The following RGPD1 variants were observed in gnomAD, a reference collection of about 807,000 sequenced individuals.
RGPD1 encodes the protein RANBP2 like and GRIP domain containing 1.
A neutral mutation model predicts 40.6 loss-of-function variants in RGPD1; 7 were observed. The ratio of observed to expected loss-of-function variants is 0.17; its 90% confidence interval spans 0.10 to 0.32. RGPD1 has a LOEUF of 0.32. Ranked by LOEUF, RGPD1 falls within the 10% of genes least tolerant of loss-of-function variation. The pLI is 1.00. For missense variants in RGPD1, 50 were observed against 472.5 expected (o/e 0.11, Z 8.29); for synonymous variants, 24 against 167.0 (o/e 0.14, Z 6.60).
chr2:86,951,873 GTTTTTT>G (rs71269535), intron 2 of RGPD1, among the ~76,000 whole-genome samples: 3 of 50,980 alleles, frequency 5.9e-5, no homozygotes, highest in African/African-American at 2.5e-4. Flanking sequence ...GGGAGGCAGG[GTTTTTT>G]TTTTTTTTTT....
At chr2:86,925,108 A>G (rs1286114039) in intron 1 of RGPD1, among the ~76,000 whole-genome samples, 3 of 152,232 alleles carry the variant, frequency 2.0e-5, no homozygotes, top group Non-Finnish European at 4.4e-5. Flanking sequence ...ATCTTTATCA[A>G]CTTGTAAATT....
At chr2:86,947,919 A>T (rs1680421109) in intron 1 of RGPD1, among the ~76,000 whole-genome samples, 1 of 105,282 alleles carries the variant, frequency 9.5e-6, no homozygotes, top group South Asian at 3.6e-4. Context: ...CGACAGAGCG[A>T]GACTCCGTTT....
At chr2:86,914,101 G>C (rs1329662851) in intron 1 of RGPD1, among the ~76,000 whole-genome samples, 4 of 108,980 alleles carry the variant, frequency 3.7e-5, no homozygotes, top group African/African-American at 1.1e-4. Context: ...CGGCGGCGGC[G>C]GCGGCGGCGG....
chr2:86,918,018 A>AT (rs1381659189), intron 1 of RGPD1, among the ~76,000 whole-genome samples: 150 of 141,062 alleles, frequency 1.1e-3, no homozygotes, highest in African/African-American at 3.3e-3. Context: ...CAGATCTGTG[A>AT]TTTTTTAAAA....
At chr2:86,929,400 T>G (rs1404145888) in intron 1 of RGPD1, among the ~76,000 whole-genome samples, 2 of 151,992 alleles carry the variant, frequency 1.3e-5, no homozygotes, top group African/African-American at 2.4e-5. Flanking sequence ...CTGCTTCAGT[T>G]TTTTAGATTT....
intron 4 of RGPD1, among the ~76,000 whole-genome samples, chr2:86,954,622 C>T (rs1218317672): frequency 1.9e-4 from 7 of 35,946 alleles, no homozygotes; most frequent in African/African-American, 6.0e-4. Context: ...GCTAAGTATC[C>T]TGCAAATATT....
chr2:86,941,152 CTG>C (rs1231551561), upstream of RGPD1, among the ~76,000 whole-genome samples: 5 of 152,162 alleles, frequency 3.3e-5, no homozygotes, highest in African/African-American at 9.7e-5. Context: ...ATAATTAAGA[CTG>C]TAATGTTTAC....
chr2:86,925,313 C>CTG (rs1678401528), intron 1 of RGPD1, among the ~76,000 whole-genome samples: 1 of 151,098 alleles, frequency 6.6e-6, no homozygotes, highest in Non-Finnish European at 1.5e-5. Context: ...GTTGCCCAGG[C>CTG]TGTAGTGCAG....
chr2:86,928,856 G>T (rs947269097), intron 1 of RGPD1, among the ~76,000 whole-genome samples: 5 of 151,980 alleles, frequency 3.3e-5, no homozygotes, highest in African/African-American at 7.3e-5. Flanking sequence ...TGTGTCAAGA[G>T]GTATGGAGAA....
At chr2:86,931,555 T>C (rs1354230721) in intron 1 of RGPD1, among the ~76,000 whole-genome samples, 4 of 152,034 alleles carry the variant, frequency 2.6e-5, no homozygotes, top group Admixed American at 1.3e-4. Context: ...ATTATTACTC[T>C]TGGCAAAGAG....
intron 1 of RGPD1, among the ~76,000 whole-genome samples, chr2:86,920,071 C>T (rs1425646465): frequency 6.6e-6 from 1 of 152,106 alleles, no homozygotes; most frequent in African/African-American, 2.4e-5. Flanking sequence ...ATTTTCTTTT[C>T]TTTTCTTTCC....
At chr2:86,960,316 C>A (rs1043727224) in intron 6 of RGPD1, among the ~76,000 whole-genome samples, 1 of 54,506 alleles carries the variant, frequency 1.8e-5, no homozygotes, top group African/African-American at 1.3e-4. Flanking sequence ...TGTGAACCTC[C>A]CAGGTTCACG....
At chr2:86,923,318 G>T (rs1377793578) in intron 1 of RGPD1, among the ~76,000 whole-genome samples, 3 of 151,764 alleles carry the variant, frequency 2.0e-5, no homozygotes, top group East Asian at 3.9e-4. Flanking sequence ...GGGATTACAG[G>T]CATGAGCCAC....
rs1348344334 is a variant in RGPD1, at chr2:86,936,395, TTAAG to T, written c.73-14897_73-14894del. Among the ~76,000 whole-genome samples, 114 of 48,472 alleles carry T rather than the reference TTAAG, an allele frequency of 2.4e-3. 1 individual carries two copies. Among genetic ancestry groups the T allele is most frequent in the African/African-American group, 7.9e-3 (108 of 13,700 alleles). 31.8% of individuals were successfully genotyped at this position (48,472 alleles called of 152,430 possible). Reference sequence around the variant, plus strand: ...AAATGTAAATCAATCTGCTTGCTGGTTAAGTAATGAGTTCAGTGTTTCCGCACAG... The same window carrying T: ...AAATGTAAATCAATCTGCTTGCTGGTTAATGAGTTCAGTGTTTCCGCACAG... On this transcript the variant is annotated intron_variant, in intron 1 of 22. Coordinates refer to the RGPD1 transcript ENST00000398193.
At chr2:86,957,681 A>AT (rs1680834114) in intron 4 of RGPD1, 25 bp from the exon 5 acceptor site, 1 of 387,452 alleles carries the variant, frequency 2.6e-6, no homozygotes, top group Non-Finnish European at 4.8e-6. Context: ...TACTCTAATA[A>AT]TTTTTCTTTT....
upstream of RGPD1, among the ~76,000 whole-genome samples, chr2:86,938,611 A>AAAAT (rs1216053025): frequency 8.0e-4 from 121 of 151,718 alleles, no homozygotes; most frequent in African/African-American, 2.8e-3. Flanking sequence ...AAAAAAAAAA[A>AAAAT]AAATAAATAA....
intron 1 of RGPD1, among the ~76,000 whole-genome samples, chr2:86,936,945 G>T (rs928336508): frequency 4.0e-5 from 5 of 123,740 alleles, no homozygotes; most frequent in African/African-American, 1.7e-4. Flanking sequence ...GGGACATAGG[G>T]TCAACACTTT....
upstream of RGPD1, among the ~76,000 whole-genome samples, chr2:86,940,770 T>C (rs1416266128): frequency 6.6e-6 from 1 of 151,392 alleles, no homozygotes; most frequent in African/African-American, 2.4e-5. Context: ...TCCATCAAGA[T>C]CTCTGTCCTA....
chr2:86,971,286 T>C (rs1681209650), intron 8 of RGPD1, among the ~76,000 whole-genome samples: 1 of 17,510 alleles, frequency 5.7e-5, no homozygotes, highest in Non-Finnish European at 9.2e-5. Flanking sequence ...CTGACCTCAT[T>C]ATCCACCCAG....
Sources: gnomAD v4.1 joint callset for allele counts (sites outside exome capture counted in the v4.1 genomes callset) on GRCh38, gnomAD v4.1.1 for gene constraint, MANE v1.5 for transcripts, NCBI Gene and HGNC (gene_info 2026-07-23, HGNC 2026-07-21) for gene names.